SNTG2: variants seen among roughly 807,000 people sequenced by gnomAD.
The protein encoded by SNTG2 is syntrophin gamma 2, also known as gamma-2-syntrophin.
A neutral mutation model predicts 70.9 loss-of-function variants in SNTG2; 74 were observed. The ratio of observed to expected loss-of-function variants is 1.04; its 90% confidence interval spans 0.86 to 1.27. The LOEUF is 1.27. Ranked by LOEUF, SNTG2 falls within the 50% of genes most tolerant of loss-of-function variation. SNTG2 has a pLI of 0.00. For missense variants in SNTG2, 717 were observed against 690.7 expected (o/e 1.04, Z -0.43); for synonymous variants, 278 against 273.8 (o/e 1.02, Z -0.15).
intron 7 of SNTG2, among the ~76,000 whole-genome samples, chr2:1,171,713 T>C (rs1671135892): frequency 6.6e-6 from 1 of 152,186 alleles, no homozygotes. Context: ...TCCCCCAGAG[T>C]TCTCCAAGTT....
At chr2:975,517 A>G (rs980442570) in intron 1 of SNTG2, among the ~76,000 whole-genome samples, 1 of 152,262 alleles carries the variant, frequency 6.6e-6, no homozygotes, top group African/African-American at 2.4e-5. Context: ...TATTGAGTAC[A>G]TTGACATCTA....
chr2:1,008,820 A>G (rs1298675450), intron 1 of SNTG2, among the ~76,000 whole-genome samples: 2 of 152,214 alleles, frequency 1.3e-5, no homozygotes, highest in Non-Finnish European at 2.9e-5. Context: ...TTAAATTGTT[A>G]TTAAACTCAG....
At chr2:1,190,456 T>A (rs1302891052) in intron 8 of SNTG2, among the ~76,000 whole-genome samples, 1 of 142,064 alleles carries the variant, frequency 7.0e-6, no homozygotes, top group African/African-American at 2.6e-5. Context: ...CATGGTTGAT[T>A]GAATCCACAG....
At chr2:1,085,009 G>T (rs1572393796) in intron 2 of SNTG2, among the ~76,000 whole-genome samples, 1 of 152,160 alleles carries the variant, frequency 6.6e-6, no homozygotes, top group East Asian at 1.9e-4. Context: ...CCCAACCACG[G>T]CCTCTGCGTT....
At chr2:1,253,285 A>G (rs933724876) in intron 12 of SNTG2, among the ~76,000 whole-genome samples, 1 of 151,604 alleles carries the variant, frequency 6.6e-6, no homozygotes, top group South Asian at 2.1e-4. Context: ...CTCTCTCAGG[A>G]GAGAAAGCCG....
rs1660668919 is a variant in SNTG2 at position 1,353,101 on chromosome 2, T to C, written c.1489-14242T>C. On this transcript the variant is annotated intron_variant, in intron 16 of 16. Coordinates refer to ENST00000308624, the MANE Select transcript of SNTG2 (RefSeq NM_018968.4). The surrounding 1 kb of genome is among the most constrained non-coding windows in gnomAD (Gnocchi z 4.2). ...CCACATGGTGCATTTTCGGAAAACT[T>C]TCCAGCCATTATGCAAAACCACTGG... Among the ~76,000 whole-genome samples, 1 of 151,964 alleles carries C rather than the reference T, an allele frequency of 6.6e-6. No individual in the cohort carries two copies. The highest frequency in any genetic ancestry group is 2.1e-4 in the South Asian group (1 of 4,796).
chr2:1,340,206 C>T (rs1278546013), intron 16 of SNTG2, among the ~76,000 whole-genome samples: 1 of 152,136 alleles, frequency 6.6e-6, no homozygotes, highest in African/African-American at 2.4e-5. Context: ...ACTTGCAGAC[C>T]TCAGAGACTG....
chr2:1,112,532 T>C (rs997290245), intron 4 of SNTG2, among the ~76,000 whole-genome samples: 17 of 151,446 alleles, frequency 1.1e-4, no homozygotes, highest in Non-Finnish European at 2.1e-4. Flanking sequence ...CTTACAGTCC[T>C]TTCAGAAAGA....
In SNTG2 at chr2:998,948, T is replaced by C. The variant is rs1661780859; in HGVS notation, c.72+47880T>C. 2.0e-5 allele frequency among the ~76,000 whole-genome samples: 3 copies of C among 152,274 alleles called. No individual in the cohort carries two copies. The South Asian group carries it at 6.2e-4, about 32-fold the overall frequency. On this transcript the variant is annotated intron_variant, in intron 1 of 16. Coordinates refer to ENST00000308624, the MANE Select transcript of SNTG2 (RefSeq NM_018968.4). ...ATTTCTAAGCCTATCAATGGACTTA[T>C]AAAGAGAAACCTCACAAACCAGAAG...
chr2:1,134,153 G>A (rs1668206085), intron 4 of SNTG2, among the ~76,000 whole-genome samples: 1 of 152,144 alleles, frequency 6.6e-6, no homozygotes, highest in Admixed American at 6.5e-5. Flanking sequence ...TTTGCGGTGA[G>A]TGTTACAGCT....
intron 9 of SNTG2, among the ~76,000 whole-genome samples, chr2:1,224,458 G>A (rs540199776): frequency 5.9e-5 from 9 of 152,094 alleles, no homozygotes; most frequent in Admixed American, 3.3e-4. Context: ...TCCCCCTCTC[G>A]CCTCCTCTGC....
chr2:1,271,171 C>T (rs527802336), intron 14 of SNTG2, among the ~76,000 whole-genome samples: 1 of 152,280 alleles, frequency 6.6e-6, no homozygotes, highest in Non-Finnish European at 1.5e-5. Context: ...TTCAGTGTCA[C>T]ACACATGCAT....
chr2:1,354,806 G>A (rs548096810), intron 16 of SNTG2, among the ~76,000 whole-genome samples: 15 of 152,244 alleles, frequency 9.9e-5, no homozygotes, highest in African/African-American at 3.1e-4. Context: ...GAATGCGATC[G>A]GCTGGAGTGA....
chr2:1,128,375 A>G (rs968311135), intron 4 of SNTG2, among the ~76,000 whole-genome samples: 2 of 152,230 alleles, frequency 1.3e-5, no homozygotes, highest in Non-Finnish European at 2.9e-5. Context: ...TATTATACAT[A>G]TGAATACATA....
intron 14 of SNTG2, 45 bp from the exon 15 acceptor site, chr2:1,308,449 A>C (rs1558195163): frequency 4.0e-6 from 6 of 1,509,328 alleles, no homozygotes; most frequent in Non-Finnish European, 3.6e-6. Flanking sequence ...AAAGTTAAAC[A>C]GCATTATTAA....
intron 1 of SNTG2, among the ~76,000 whole-genome samples, chr2:1,048,300 G>A (rs1661856980): frequency 1.3e-5 from 2 of 152,110 alleles, no homozygotes; most frequent in South Asian, 2.1e-4. Context: ...ACCTCCTTAT[G>A]TGGCCAGCGC....
intron 9 of SNTG2, among the ~76,000 whole-genome samples, chr2:1,220,238 T>C (rs1387529997): frequency 3.3e-5 from 5 of 152,198 alleles, no homozygotes; most frequent in African/African-American, 1.2e-4. Context: ...ATGTGTTGGG[T>C]GGTTCTAGGA....
intron 16 of SNTG2, among the ~76,000 whole-genome samples, chr2:1,324,061 C>A (rs1361165396): frequency 6.6e-6 from 1 of 151,868 alleles, no homozygotes; most frequent in Admixed American, 6.6e-5. Context: ...CTGACACCCC[C>A]TAGTAGGCTG....
intron 11 of SNTG2, among the ~76,000 whole-genome samples, chr2:1,245,119 T>G (rs925950355): frequency 6.5e-4 from 63 of 96,392 alleles, no homozygotes; most frequent in African/African-American, 2.6e-3. Flanking sequence ...TGGGGACTGT[T>G]GTCGGGTGGG....
Sources: gnomAD v4.1 joint callset for allele counts (sites outside exome capture counted in the v4.1 genomes callset) on GRCh38, gnomAD v4.1.1 for gene constraint, Gnocchi (gnomAD v3.1) non-coding constraint, MANE v1.5 for transcripts, NCBI Gene and HGNC (gene_info 2026-07-23, HGNC 2026-07-21) for gene names.